The following SPATA31A6 variants were observed in gnomAD, a reference collection of about 807,000 sequenced individuals.
SPATA31A6 encodes the protein spermatogenesis-associated protein 31A6.
A neutral mutation model predicts 11.9 loss-of-function variants in SPATA31A6; 9 were observed. The observed-to-expected ratio is 0.76, with a 90% CI of 0.46 to 1.32. The LOEUF is 1.32. Ranked by LOEUF, SPATA31A6 falls within the 40% of genes most tolerant of loss-of-function variation. The pLI is 0.00. For synonymous variants in SPATA31A6, 314 were observed against 572.1 expected, an observed-to-expected ratio of 0.55 and a Z score of 6.44; for missense variants, 855 against 1,467.3, an observed-to-expected ratio of 0.58 and a Z score of 6.82.
rs570030196 is a variant in SPATA31A6 at position 42,184,885 on chromosome 9, G to A, written c.190-184G>A. ...TTTATCATCCAGTTAAACATGAGTG[G>A]GAGGAAGCACACAGAGCTCCCTGAG... On this transcript the variant is annotated intron_variant, in intron 1 of 3. Coordinates refer to ENST00000332857, the MANE Select transcript of SPATA31A6 (RefSeq NM_001145196.1). 3.5e-4 allele frequency: 262 copies of A among 752,706 alleles called. 49 individuals are homozygous for A. The Middle Eastern group carries it at 4.0e-3, about 11-fold the overall frequency. The allele number at this position is 752,706 out of a possible 1,614,324, so 46.6% of individuals were successfully genotyped here.
In SPATA31A6 at chr9:42,189,145, C is replaced by A; in HGVS notation, c.3443C>A (p.Pro1148Gln). The A allele has an allele frequency of 6.5e-7, 1 of 1,545,238 alleles. No individual in the cohort carries two copies. The stretch of plus-strand genomic sequence containing the variant: ...CAGGATGAAGGCGTCCAGCTACTGC[C>A]ATCAAAGAAACAGCCTCCTTCAGTA... ...THQDEGVQLL[P>Q]SKKQPPSVSH... Residue 1148 changes from proline to glutamine, a missense_variant, in exon 4 of 4, where the codon CCA (proline) becomes CAA (glutamine). By Grantham distance (76) the Pro-to-Gln change is moderately conservative. Transcript: ENST00000332857.
chr9:42,184,930 C>G, intron 1 of SPATA31A6, 139 bp from the exon 2 acceptor site: 1 of 1,417,396 alleles, frequency 7.1e-7, no homozygotes. Context: ...GAGAGTCATG[C>G]GGTTCCTGAG....
At chr9:42,184,541 A>ATTTTATTTTC (rs1829409010) in intron 1 of SPATA31A6, among the ~76,000 whole-genome samples, 2 of 83,844 alleles carry the variant, frequency 2.4e-5, no homozygotes, top group East Asian at 6.0e-4. Context: ...ATTTTATTTT[A>ATTTTATTTTC]TTTTTTGAGA....
At position 42,185,190 on chromosome 9, in the gene SPATA31A6, C is replaced by T; in HGVS notation, c.247+64C>T. The stretch of plus-strand genomic sequence containing the variant: ...TCATCTGTCCCGGAGGGAACTGACT[C>T]TGAAGAAGTCAGTTGAAGAAGCCTG... On this transcript the variant is annotated intron_variant, in intron 2 of 3. Transcript: ENST00000332857. 1.3e-6 allele frequency: 2 copies of T among 1,519,166 alleles called. 1 individual carries two copies. The highest frequency in any genetic ancestry group is 1.8e-6 in the Non-Finnish European group (2 of 1,117,412). 94.1% of individuals were successfully genotyped at this position (1,519,166 alleles called of 1,614,324 possible).
In SPATA31A6 at chr9:42,187,703, G is replaced by A. The variant is rs748667532; in HGVS notation, c.2001G>A (p.Leu667=). 1 of 1,520,436 alleles carries A rather than the reference G, an allele frequency of 6.6e-7. No homozygotes were observed. The highest frequency in any genetic ancestry group is 1.7e-5 in the African/African-American group (1 of 59,090). The allele number at this position is 1,520,436 out of a possible 1,614,324, so 94.2% of individuals were successfully genotyped here. ...FQLERDLCPH[L]GQILGETPQN... is the part of the protein sequence containing the mutation. ...TAGAGAGGGACCTGTGCCCACATCT[G>A]GGGCAAATTCTGGGTGAGACCCCAC... Residue 667 remains leucine, a synonymous_variant, in exon 4 of 4, where the codon CTG becomes CTA. Coordinates refer to ENST00000332857, the MANE Select transcript of SPATA31A6 (RefSeq NM_001145196.1).
Position 42,187,140 on chromosome 9 carries a change from T to A in SPATA31A6, c.1438T>A (p.Ser480Thr), listed in dbSNP as rs775668929. Residue 480 changes from serine to threonine, a missense_variant, in exon 4 of 4, where the codon TCA (serine) becomes ACA (threonine). Physicochemically the swap from Ser to Thr is moderately conservative, Grantham distance 58 (BLOSUM62 1). Coordinates refer to ENST00000332857, the MANE Select transcript of SPATA31A6 (RefSeq NM_001145196.1). ...CCTGTCCCACCGCCAACCCTTTATT[T>A]CATCCACACCCCAATTCCTGCCCAC... Reference protein sequence around the residue: ...QPLSHRQPFISSTPQFLPTPM... With the variant: ...QPLSHRQPFITSTPQFLPTPM... 5.4e-5 allele frequency: 83 copies of A among 1,542,432 alleles called. 8 individuals carry two copies. Among genetic ancestry groups the A allele is most frequent in the Non-Finnish European group, 7.3e-5 (83 of 1,137,666 alleles).
rs762925573 is a variant in SPATA31A6 at position 42,185,721 on chromosome 9, G to C, written c.274G>C (p.Glu92Gln). The part of the protein sequence containing the change: ...RAGRECPRGL[E>Q]ETSDLLSQLQ... ...TGGTAGAGAGTGCCCGAGAGGCCTG[G>C]AGGAGACTTCGGACCTTCTTTCACA... is the stretch of plus-strand genomic sequence containing the variant. Residue 92 changes from glutamate (E) to glutamine (Q), a missense_variant, in exon 3 of 4, where the codon GAG becomes CAG. Coordinates refer to ENST00000332857, the MANE Select transcript of SPATA31A6 (RefSeq NM_001145196.1). 3.6e-5 allele frequency: 49 copies of C among 1,366,320 alleles called. 7 individuals are homozygous for C. In the Admixed American group the frequency reaches 3.8e-4, roughly 11 times the overall value. 84.6% of individuals were successfully genotyped at this position (1,366,320 alleles called of 1,614,324 possible).
intron 2 of SPATA31A6, 68 bp from the exon 3 acceptor site, chr9:42,185,627 G>T: frequency 7.1e-7 from 1 of 1,401,920 alleles, no homozygotes; most frequent in East Asian, 2.6e-5. Context: ...TAAAGAAACA[G>T]CCACTCAGCC....
Position 42,183,886 on chromosome 9 carries a change from C to A in SPATA31A6, c.189+10C>A. 1 of 1,529,238 alleles carries A rather than the reference C, an allele frequency of 6.5e-7. No individual in the cohort carries two copies. Among genetic ancestry groups the A allele is most frequent in the East Asian group, 2.4e-5 (1 of 41,654 alleles). The allele number at this position is 1,529,238 out of a possible 1,614,324, so 94.7% of individuals were successfully genotyped here. On this transcript the variant is annotated intron_variant, in intron 1 of 3. Coordinates refer to ENST00000332857, the MANE Select transcript of SPATA31A6 (RefSeq NM_001145196.1). ...GCCTGGGAAGAGAAAGGTAAGGAAC[C>A]CTCAGTCCCGACCCACAGAGCTTGA...
In SPATA31A6 at chr9:42,183,766, G is replaced by A; in HGVS notation, c.79G>A (p.Asp27Asn). 2.6e-6 allele frequency: 4 copies of A among 1,535,800 alleles called. 1 individual carries two copies. The highest frequency in any genetic ancestry group is 2.4e-5 in the East Asian group (1 of 41,712). ...CCCCAGCTCCACACCATGGGTGTTGGATATCTTCCTCACCTTGGTGTTTGC... is the reference window on the plus strand; with the variant it reads ...CCCCAGCTCCACACCATGGGTGTTGAATATCTTCCTCACCTTGGTGTTTGC... ...NAPSSTPWVLDIFLTLVFALG... is the reference protein window; with the variant it reads ...NAPSSTPWVLNIFLTLVFALG... Residue 27 changes from aspartate to asparagine, a missense_variant, in exon 1 of 4, where the codon GAT (aspartate) becomes AAT (asparagine). Asp to Asn is a conservative substitution (Grantham distance 23). Transcript: ENST00000332857.
rs1221045488 is a variant in SPATA31A6, at chr9:42,185,670, C to T, written c.248-25C>T. 18 of 1,480,226 alleles carry T rather than the reference C, an allele frequency of 1.2e-5. 2 individuals carry two copies. Among genetic ancestry groups the T allele is most frequent in the South Asian group, 2.4e-5 (2 of 84,538 alleles). The allele number at this position is 1,480,226 out of a possible 1,614,324, so 91.7% of individuals were successfully genotyped here. A position where few individuals can be genotyped will look rare whatever the true frequency, so the allele number is the denominator to read the frequency against. ...AGATCCCAGGCCCCTCCCTCACTGCCCTAACCCAGTCTCCTGATTTCCAGC... is the reference window on the plus strand; with the variant it reads ...AGATCCCAGGCCCCTCCCTCACTGCTCTAACCCAGTCTCCTGATTTCCAGC... On this transcript the variant is annotated intron_variant, in intron 2 of 3. Transcript: ENST00000332857.
intron 1 of SPATA31A6, 108 bp downstream of exon 1, chr9:42,183,984 C>G (rs2118845487): frequency 6.8e-7 from 1 of 1,466,016 alleles, no homozygotes; most frequent in East Asian, 2.5e-5. Flanking sequence ...TGGGAAGTCT[C>G]AGAAGAGACC....
rs570588330 is a variant in SPATA31A6 at position 42,184,625 on chromosome 9, G to T, written c.190-444G>T. On this transcript the variant is annotated intron_variant, in intron 1 of 3. Coordinates refer to ENST00000332857, the MANE Select transcript of SPATA31A6 (RefSeq NM_001145196.1). Reference sequence around the variant, plus strand: ...GCTCACTGCAACCTCTGCTTCCCGAGTTCAAGCGATTCTCCTGTCTTAGCG... The same window carrying T: ...GCTCACTGCAACCTCTGCTTCCCGATTTCAAGCGATTCTCCTGTCTTAGCG... Among the ~76,000 whole-genome samples the T allele has an allele frequency of 2.4e-3, 326 of 136,020 alleles. 56 individuals carry two copies. Among genetic ancestry groups the T allele is most frequent in the Admixed American group, 6.0e-3 (81 of 13,590 alleles). 89.2% of individuals were successfully genotyped at this position (136,020 alleles called of 152,430 possible). A position where few individuals can be genotyped will look rare whatever the true frequency, so the allele number is the denominator to read the frequency against.
rs1829390751 is a variant in SPATA31A6 at position 42,183,805 on chromosome 9, T to A, written c.118T>A (p.Phe40Ile). 2 of 1,534,670 alleles carry A rather than the reference T, an allele frequency of 1.3e-6. No individual in the cohort carries two copies. Among genetic ancestry groups the A allele is most frequent in the Non-Finnish European group, 1.8e-6 (2 of 1,138,138 alleles). Residue 40 changes from phenylalanine to isoleucine, a missense_variant, in exon 1 of 4, where the codon TTC becomes ATC. Phe to Ile is a conservative substitution (Grantham distance 21). Coordinates refer to ENST00000332857, the MANE Select transcript of SPATA31A6 (RefSeq NM_001145196.1). ...CTTGGTGTTTGCCCTGGGGTTCTTC[T>A]TCCTATTACTCCCCTACTTATCTTA... ...LTLVFALGFF[F>I]LLLPYLSYFH... is the part of the protein sequence containing the mutation.
chr9:42,188,623 A>G lies in SPATA31A6; in HGVS notation c.2921A>G (p.His974Arg). 7.5e-7 allele frequency: 1 copy of G among 1,328,868 alleles called. No homozygotes were observed. Among genetic ancestry groups the G allele is most frequent in the Non-Finnish European group, 1.0e-6 (1 of 990,602 alleles). 82.3% of individuals were successfully genotyped at this position (1,328,868 alleles called of 1,614,324 possible). Residue 974 changes from histidine to arginine, a missense_variant, in exon 4 of 4, where the codon CAT becomes CGT. Coordinates refer to ENST00000332857, the MANE Select transcript of SPATA31A6 (RefSeq NM_001145196.1). ...ANLQATSEDV[H>R]GFEAPGTSKS... ...CTCCAAGCCACAAGTGAGGATGTGC[A>G]TGGTTTCGAGGCTCCAGGGACCAGC...
At position 42,186,603 on chromosome 9, in the gene SPATA31A6, C is replaced by A. The variant is rs781450730; in HGVS notation, c.901C>A (p.Pro301Thr). The A allele has an allele frequency of 1.1e-5, 17 of 1,532,910 alleles. 1 individual carries two copies. Among genetic ancestry groups the A allele is most frequent in the Non-Finnish European group, 1.5e-5 (17 of 1,137,138 alleles). 95.0% of individuals were successfully genotyped at this position (1,532,910 alleles called of 1,614,324 possible). Reference protein sequence around the residue: ...CAFNSSVQQDPLSRHPPETCQ... With the variant: ...CAFNSSVQQDTLSRHPPETCQ... Reference sequence around the variant, plus strand: ...CTTTAACTCATCAGTCCAGCAAGATCCTCTTTCCCGCCACCCACCAGAGAC... The same window carrying A: ...CTTTAACTCATCAGTCCAGCAAGATACTCTTTCCCGCCACCCACCAGAGAC... Residue 301 changes from proline to threonine, a missense_variant, in exon 4 of 4, where the codon CCT becomes ACT. Pro to Thr is a conservative substitution (Grantham distance 38, BLOSUM62 -1). Transcript: ENST00000332857.
chr9:42,187,353 A>T lies in SPATA31A6; in HGVS notation c.1651A>T (p.Arg551Trp). ...WPLLRKQLEG[R>W]LALPSRVQKS... ...TTTGTTGAGGAAACAACTAGAAGGT[A>T]GGTTGGCTTTACCCTCTAGGGTCCA... Residue 551 changes from arginine to tryptophan, a missense_variant, in exon 4 of 4, where the codon AGG becomes TGG. Physicochemically the swap from Arg to Trp is moderately radical, Grantham distance 101 (BLOSUM62 -3). Coordinates refer to ENST00000332857, the MANE Select transcript of SPATA31A6 (RefSeq NM_001145196.1). 9.8e-6 allele frequency: 15 copies of T among 1,537,506 alleles called. 2 individuals are homozygous for T. Among genetic ancestry groups the T allele is most frequent in the Non-Finnish European group, 1.3e-5 (15 of 1,136,844 alleles).
rs12002184 is a variant in SPATA31A6, at chr9:42,184,883, T to C, written c.190-186T>C. 932 of 750,040 alleles carry C rather than the reference T, an allele frequency of 1.2e-3. 199 individuals carry two copies. In the African/African-American group the frequency reaches 0.02, roughly 16 times the overall value. 46.5% of individuals were successfully genotyped at this position (750,040 alleles called of 1,614,324 possible). ...AGTTTATCATCCAGTTAAACATGAG[T>C]GGGAGGAAGCACACAGAGCTCCCTG... On this transcript the variant is annotated intron_variant, in intron 1 of 3. Transcript: ENST00000332857.
chr9:42,184,100 C>T lies in SPATA31A6; in HGVS notation c.189+224C>T, dbSNP rs1465004267. On this transcript the variant is annotated intron_variant, in intron 1 of 3. Coordinates refer to ENST00000332857, the MANE Select transcript of SPATA31A6 (RefSeq NM_001145196.1). ...ATCTCAGTCCATCTGTGGGGGAGCACAGGAGGCATCAAGGCAAAATCAAAC... is the reference window on the plus strand; with the variant it reads ...ATCTCAGTCCATCTGTGGGGGAGCATAGGAGGCATCAAGGCAAAATCAAAC... Among the ~76,000 whole-genome samples the T allele has an allele frequency of 1.3e-4, 18 of 137,446 alleles. 6 individuals are homozygous for T. Among genetic ancestry groups the T allele is most frequent in the African/African-American group, 5.3e-4 (18 of 34,130 alleles). The allele number at this position is 137,446 out of a possible 152,430, so 90.2% of individuals were successfully genotyped here. A position where few individuals can be genotyped will look rare whatever the true frequency, so the allele number is the denominator to read the frequency against.
Sources: gnomAD v4.1 joint callset for allele counts (sites outside exome capture counted in the v4.1 genomes callset) on GRCh38, gnomAD v4.1.1 for gene constraint, MANE v1.5 for transcripts, NCBI Gene and HGNC (gene_info 2026-07-23, HGNC 2026-07-21) for gene names.